The following AUH variants were observed in gnomAD, a reference collection of about 807,000 sequenced individuals.
AUH encodes AU RNA binding methylglutaconyl-CoA hydratase.
Under a neutral mutation model 42.3 loss-of-function variants are expected in AUH, and 29 were observed. The observed-to-expected ratio is 0.69, with a 90% CI of 0.51 to 0.93. The LOEUF is 0.93. AUH is among the 40% of genes least tolerant of loss of function. The probability of loss-of-function intolerance (pLI) is 0.00; values close to 1 mark genes in which losing one functional copy is unlikely to be tolerated. For missense variants in AUH, 452 were observed against 438.1 expected, an observed-to-expected ratio of 1.03 and a Z score of -0.28; for synonymous variants, 174 against 166.4, an observed-to-expected ratio of 1.05 and a Z score of -0.35.
At chr9:91,252,524 C>G (rs1829191470) in intron 6 of AUH, among the ~76,000 whole-genome samples, 1 of 152,120 alleles carries the variant, frequency 6.6e-6, no homozygotes, top group Admixed American at 6.5e-5. Flanking sequence ...GGCAGTGTGA[C>G]CACATCCATC....
chr9:91,358,394 G>A lies in AUH; in HGVS notation c.263-2239C>T, dbSNP rs10991902. Among the ~76,000 whole-genome samples the A allele has an allele frequency of 7.2e-3, 1,090 of 152,288 alleles. 13 individuals carry two copies. The highest frequency in any genetic ancestry group is 0.044 in the East Asian group (227 of 5,188). On this transcript the variant is annotated intron_variant, in intron 1 of 9. Coordinates refer to ENST00000375731, the MANE Select transcript of AUH (RefSeq NM_001698.3). The stretch of plus-strand genomic sequence containing the variant: ...GCTCTAAGGTGTGATTGCTGGGGAT[G>A]AAATCCCAGTCTGCCGCTTACTAGC...
chr9:91,254,289 C>T (rs1040621923), intron 6 of AUH, among the ~76,000 whole-genome samples: 1 of 152,042 alleles, frequency 6.6e-6, no homozygotes, highest in African/African-American at 2.4e-5. Flanking sequence ...GAGGAAGCTG[C>T]GGAAAGTCTT....
chr9:91,287,721 G>C (rs1007957796), intron 6 of AUH, among the ~76,000 whole-genome samples: 5 of 152,024 alleles, frequency 3.3e-5, no homozygotes, highest in African/African-American at 7.2e-5. Context: ...AATTAATCCT[G>C]AACTGGAAAA....
At chr9:91,235,505 G>C (rs1207956483) in intron 6 of AUH, among the ~76,000 whole-genome samples, 1 of 152,170 alleles carries the variant, frequency 6.6e-6, no homozygotes, top group Non-Finnish European at 1.5e-5. Context: ...CATAAGAGTG[G>C]AGCAGTCATG....
At chr9:91,275,603 C>T (rs914247155) in intron 6 of AUH, among the ~76,000 whole-genome samples, 2 of 152,186 alleles carry the variant, frequency 1.3e-5, no homozygotes, top group African/African-American at 2.4e-5. Context: ...AACACGGCAT[C>T]AGGTAAAAGT....
intron 6 of AUH, among the ~76,000 whole-genome samples, chr9:91,232,171 G>A (rs921103260): frequency 7.9e-5 from 12 of 152,106 alleles, no homozygotes; most frequent in Admixed American, 6.5e-4. Context: ...GATAGCTTGA[G>A]CCCAGGAGTT....
rs1233909893 is a variant in AUH, at chr9:91,356,285, A to T, written c.263-130T>A. On this transcript the variant is annotated intron_variant, in intron 1 of 9. Transcript: ENST00000375731. ...AAATTCATGACATCACGTTCCCTTC[A>T]ATCGATCTCTTCTTAAGCACCAAGA... The T allele has an allele frequency of 3.0e-5, 23 of 768,092 alleles. No individual in the cohort carries two copies. The Admixed American group carries it at 4.3e-4, about 14-fold the overall frequency. The allele number at this position is 768,092 out of a possible 1,614,324, so 47.6% of individuals were successfully genotyped here.
At chr9:91,259,666 T>C (rs1241391951) in intron 6 of AUH, among the ~76,000 whole-genome samples, 2 of 152,198 alleles carry the variant, frequency 1.3e-5, no homozygotes, top group Non-Finnish European at 2.9e-5. Flanking sequence ...CAAATTGCTC[T>C]TGTGATTTCT....
chr9:91,222,620 G>A (rs1195600302), intron 6 of AUH, among the ~76,000 whole-genome samples: 1 of 152,126 alleles, frequency 6.6e-6, no homozygotes, highest in African/African-American at 2.4e-5. Context: ...AGTAAAGATA[G>A]GTCTGAGAAC....
At chr9:91,230,718 A>T (rs1827820872) in intron 6 of AUH, among the ~76,000 whole-genome samples, 1 of 152,060 alleles carries the variant, frequency 6.6e-6, no homozygotes, top group Admixed American at 6.5e-5. Flanking sequence ...ATGGTGATGT[A>T]CAGATGGGTT....
intron 3 of AUH, among the ~76,000 whole-genome samples, chr9:91,343,601 T>C (rs769703060): frequency 6.3e-4 from 96 of 152,076 alleles, no homozygotes; most frequent in Non-Finnish European, 1.1e-3. Flanking sequence ...CCATCTCTAC[T>C]AAAAATACAA....
chr9:91,324,965 G>A (rs1371226558), intron 4 of AUH, among the ~76,000 whole-genome samples: 1 of 151,904 alleles, frequency 6.6e-6, no homozygotes, highest in Non-Finnish European at 1.5e-5. Flanking sequence ...GTTACTGTAA[G>A]TCTTAAAAAA....
At chr9:91,236,273 T>TGGGGGGGATAGGGGG (rs1554692115) in intron 6 of AUH, among the ~76,000 whole-genome samples, 1 of 64,778 alleles carries the variant, frequency 1.5e-5, no homozygotes, top group African/African-American at 5.9e-5. Flanking sequence ...GGGATCGGGG[T>TGGGGGGGATAGGGGG]GGGGGTCTGG....
chr9:91,303,532 G>A (rs974091895), intron 4 of AUH, among the ~76,000 whole-genome samples: 6 of 152,118 alleles, frequency 3.9e-5, no homozygotes, highest in African/African-American at 9.7e-5. Context: ...GGGTTTCACC[G>A]TGTTAGCCAG....
rs887456287 is a variant in AUH, at chr9:91,281,707, G to A, written c.655+14314C>T. 3.3e-5 allele frequency among the ~76,000 whole-genome samples: 5 copies of A among 151,880 alleles called. 1 individual carries two copies. The South Asian group carries it at 6.2e-4, about 19-fold the overall frequency. On this transcript the variant is annotated intron_variant, in intron 6 of 9. Transcript: ENST00000375731. ...AATCCTTGGAGTCATTCTTTACATCGGTTTCTTTTATGTTACCCATCTAGT... is the reference window on the plus strand; with the variant it reads ...AATCCTTGGAGTCATTCTTTACATCAGTTTCTTTTATGTTACCCATCTAGT...
chr9:91,341,473 G>T (rs115784301), intron 3 of AUH, among the ~76,000 whole-genome samples: 1 of 152,302 alleles, frequency 6.6e-6, no homozygotes, highest in African/African-American at 2.4e-5. Context: ...ATCTCCACTG[G>T]TTAAATTTAC....
In AUH at chr9:91,318,597, C is replaced by T. The variant is rs916467138; in HGVS notation, c.505+6721G>A. Among the ~76,000 whole-genome samples, 4 of 152,264 alleles carry T rather than the reference C, an allele frequency of 2.6e-5. No individual in the cohort carries two copies. In the South Asian group the frequency reaches 8.3e-4, roughly 32 times the overall value. On this transcript the variant is annotated intron_variant, in intron 4 of 9. Transcript: ENST00000375731. ...ACCAGGCACCTCCAGAATTCTCTCC[C>T]GAGCAGGATATTACTTCAAGGCCAG...
At chr9:91,285,170 T>A (rs1335350680) in intron 6 of AUH, among the ~76,000 whole-genome samples, 1 of 152,134 alleles carries the variant, frequency 6.6e-6, no homozygotes, top group East Asian at 1.9e-4. Flanking sequence ...GGGACATGGA[T>A]GAAGCTGGAA....
intron 3 of AUH, among the ~76,000 whole-genome samples, chr9:91,339,852 A>T (rs1326779709): frequency 1.3e-5 from 2 of 152,194 alleles, no homozygotes; most frequent in African/African-American, 4.8e-5. Flanking sequence ...TCCTGAAGAC[A>T]CCTGACAGAC....
Sources: gnomAD v4.1 joint callset for allele counts (sites outside exome capture counted in the v4.1 genomes callset) on GRCh38, gnomAD v4.1.1 for gene constraint, MANE v1.5 for transcripts, NCBI Gene and HGNC (gene_info 2026-07-23, HGNC 2026-07-21) for gene names.